Variants in C16orf78 observed in about 807,000 individuals in gnomAD.
C16orf78 encodes uncharacterized protein C16orf78.
C16orf78 carries 19 observed loss-of-function variants against 27.3 expected under a neutral mutation model. That is an observed-to-expected ratio of 0.70 (90% confidence interval 0.49 to 1.02). The LOEUF (loss-of-function observed/expected upper bound fraction) is 1.02. Ranked by LOEUF, C16orf78 falls within the 50% of genes least tolerant of loss-of-function variation. C16orf78 has a pLI of 0.00. For synonymous variants in C16orf78, 130 were observed against 116.1 expected, an observed-to-expected ratio of 1.12 and a Z score of -0.77; for missense variants, 339 against 337.0, an observed-to-expected ratio of 1.01 and a Z score of -0.05.
intron 3 of C16orf78, among the ~76,000 whole-genome samples, chr16:49,392,870 A>G (rs768292061): frequency 5.9e-5 from 9 of 152,148 alleles, no homozygotes; most frequent in Non-Finnish European, 8.8e-5. Flanking sequence ...CACAATTCCC[A>G]GGTATTGTGA....
chr16:49,376,537 G>C (rs1965220445), intron 1 of C16orf78, among the ~76,000 whole-genome samples: 1 of 152,120 alleles, frequency 6.6e-6, no homozygotes, highest in African/African-American at 2.4e-5. Flanking sequence ...GAGTTGCACT[G>C]TTTCTCCACT....
rs375303981 is a variant in C16orf78 at position 49,396,388 on chromosome 16, G to A, written c.395-35G>A. On this transcript the variant is annotated intron_variant, in intron 3 of 4. Coordinates refer to ENST00000299191, the MANE Select transcript of C16orf78 (RefSeq NM_144602.4). ...CTACCCCACCTCTCACGTCTCCCAC[G>A]GTCTAACTCTTTGATGGCATCTGTC... 78 of 1,608,536 alleles carry A rather than the reference G, an allele frequency of 4.8e-5. No individual in the cohort carries two copies. In the South Asian group the frequency reaches 5.5e-4, roughly 11 times the overall value.
At chr16:49,396,284 A>G (rs950362571) in intron 3 of C16orf78, 139 bp from the exon 4 acceptor site, 10 of 941,262 alleles carry the variant, frequency 1.1e-5, no homozygotes, top group Non-Finnish European at 1.3e-5. Flanking sequence ...AACCTGTGGA[A>G]GCCACGAAAA....
In C16orf78 at chr16:49,396,535, G is replaced by A. The variant is rs374900464; in HGVS notation, c.507G>A (p.Gln169=). Residue 169 remains glutamine, a synonymous_variant, in exon 4 of 5, where the codon CAG becomes CAA. Transcript: ENST00000299191. ...TACAGGAGGGTACCTTTAACAGCCA[G>A]AGGGCAACCTTCATAAGAGACTGGT... ...PMLQEGTFNS[Q]RATFIRDWSN... 11 of 1,614,160 alleles carry A rather than the reference G, an allele frequency of 6.8e-6. No homozygotes were observed. The East Asian group carries it at 2.0e-4, about 29-fold the overall frequency.
rs1280357862 is a variant in C16orf78, at chr16:49,373,838, C to T, written c.-102C>T. 4.9e-5 allele frequency: 71 copies of T among 1,442,448 alleles called. No homozygotes were observed. Among genetic ancestry groups the T allele is most frequent in the Non-Finnish European group, 6.6e-5 (69 of 1,049,254 alleles). 89.4% of individuals were successfully genotyped at this position (1,442,448 alleles called of 1,614,324 possible). On this transcript the variant is annotated 5_prime_UTR_variant, in exon 1 of 5. Coordinates refer to ENST00000299191, the MANE Select transcript of C16orf78 (RefSeq NM_144602.4). ...TTTATGTTCACATCTGGAGGCCACACCCTACCTTCTAAGTCACCAGGCCAT... is the reference window on the plus strand; with the variant it reads ...TTTATGTTCACATCTGGAGGCCACATCCTACCTTCTAAGTCACCAGGCCAT...
chr16:49,394,094 A>G (rs1473497647), intron 3 of C16orf78, among the ~76,000 whole-genome samples: 1 of 152,166 alleles, frequency 6.6e-6, no homozygotes, highest in Non-Finnish European at 1.5e-5. Flanking sequence ...CCACTAAAAA[A>G]TGGCACTAAG....
chr16:49,385,633 T>C (rs152648), intron 3 of C16orf78, among the ~76,000 whole-genome samples: 59,034 of 148,148 alleles, frequency 0.4, 13,955 homozygotes, highest in African/African-American at 0.67. Flanking sequence ...CCAGCCTGGG[T>C]GACAGAGTGA....
chr16:49,377,967 C>A, intron 2 of C16orf78, 117 bp downstream of exon 2: 1 of 1,352,906 alleles, frequency 7.4e-7, no homozygotes, highest in South Asian at 1.5e-5. Flanking sequence ...CTCCGAAATT[C>A]ACTCTGGCCC....
In C16orf78 at chr16:49,396,628, T is replaced by C; in HGVS notation, c.600T>C (p.Pro200=). 1 of 1,613,170 alleles carries C rather than the reference T, an allele frequency of 6.2e-7. No individual in the cohort carries two copies. The highest frequency in any genetic ancestry group is 8.5e-7 in the Non-Finnish European group (1 of 1,180,002). ...LKSLMEKSTE[P]KMETMRMLKP... ...GCCTCATGGAGAAAAGCACCGAACC[T>C]AAGATGGAAACCATGAGGATGTTGA... The change falls in exon 4 of 5, where the codon CCT becomes CCC. Residue 200 remains proline, a synonymous_variant. Transcript: ENST00000299191.
At chr16:49,396,093 T>A (rs536522273) in intron 3 of C16orf78, among the ~76,000 whole-genome samples, 26 of 151,974 alleles carry the variant, frequency 1.7e-4, no homozygotes, top group African/African-American at 6.3e-4. Context: ...AATATAAAAA[T>A]TTATCAGGAG....
At chr16:49,396,296 A>T (rs1965471244) in intron 3 of C16orf78, 127 bp from the exon 4 acceptor site, 256 of 984,994 alleles carry the variant, frequency 2.6e-4, no homozygotes, top group Non-Finnish European at 3.4e-4. Flanking sequence ...CCACGAAAAG[A>T]CCTCATATCT....
At chr16:49,397,635 C>T (rs936268921) in intron 4 of C16orf78, among the ~76,000 whole-genome samples, 2 of 152,146 alleles carry the variant, frequency 1.3e-5, no homozygotes, top group African/African-American at 2.4e-5. Flanking sequence ...ACAGCCTACC[C>T]GGGTTCCATG....
intron 3 of C16orf78, among the ~76,000 whole-genome samples, chr16:49,395,742 G>A (rs1052818268): frequency 3.3e-5 from 5 of 152,106 alleles, no homozygotes; most frequent in African/African-American, 1.2e-4. Context: ...CCAGCTCAAA[G>A]CTTTTCTCTT....
At chr16:49,379,697 G>A (rs1268859352) in intron 3 of C16orf78, among the ~76,000 whole-genome samples, 2 of 152,102 alleles carry the variant, frequency 1.3e-5, no homozygotes, top group Non-Finnish European at 2.9e-5. Context: ...TCTTAGTCGT[G>A]ACAAACATGC....
chr16:49,392,135 A>T (rs1965419960), intron 3 of C16orf78, among the ~76,000 whole-genome samples: 1 of 152,214 alleles, frequency 6.6e-6, no homozygotes, highest in Non-Finnish European at 1.5e-5. Flanking sequence ...AACTTTGTTG[A>T]TGAAATCTTA....
rs752442437 is a variant in C16orf78, at chr16:49,373,976, C to T, written c.37C>T (p.Pro13Ser). Reference sequence around the variant, plus strand: ...ACAAATGGACCTGAAGGATTTAATGCCCACAAAGAGGAAATACATGTGGAA... The same window carrying T: ...ACAAATGGACCTGAAGGATTTAATGTCCACAAAGAGGAAATACATGTGGAA... Reference protein sequence around the residue: ...EQQMDLKDLMPTKRKYMWKTA... With the variant: ...EQQMDLKDLMSTKRKYMWKTA... The change falls in exon 1 of 5, where the codon CCC (proline) becomes TCC (serine). Residue 13 changes from proline (P) to serine (S), a missense_variant. Transcript: ENST00000299191. 50 of 1,614,092 alleles carry T rather than the reference C, an allele frequency of 3.1e-5. 1 individual carries two copies. The South Asian group carries it at 5.3e-4, about 17-fold the overall frequency.
At position 49,399,128 on chromosome 16, in the gene C16orf78, C is replaced by T; in HGVS notation, c.651-3C>T. On this transcript the variant is annotated splice_polypyrimidine_tract_variant and splice_region_variant and intron_variant, in intron 4 of 4. Transcript: ENST00000299191. ...CTGACCTCTTTTGCCTTCTCTTGAACAGATACCTGAGGTTATCCAAGGAGA... is the reference window on the plus strand; with the variant it reads ...CTGACCTCTTTTGCCTTCTCTTGAATAGATACCTGAGGTTATCCAAGGAGA... 6.2e-7 allele frequency: 1 copy of T among 1,613,780 alleles called. No homozygotes were observed. Among genetic ancestry groups the T allele is most frequent in the Admixed American group, 1.7e-5 (1 of 60,010 alleles).
chr16:49,386,450 AT>A (rs535834596), intron 3 of C16orf78, among the ~76,000 whole-genome samples: 38 of 151,626 alleles, frequency 2.5e-4, no homozygotes, highest in Middle Eastern at 3.4e-3. Context: ...ACCACAAGTC[AT>A]TTTTTTTTAA....
At chr16:49,390,491 C>G (rs1376736610) in intron 3 of C16orf78, among the ~76,000 whole-genome samples, 1 of 152,150 alleles carries the variant, frequency 6.6e-6, no homozygotes, top group Non-Finnish European at 1.5e-5. Flanking sequence ...TCTCCAATAC[C>G]TAATCTTCTG....
Sources: gnomAD v4.1 joint callset for allele counts (sites outside exome capture counted in the v4.1 genomes callset) on GRCh38, gnomAD v4.1.1 for gene constraint, MANE v1.5 for transcripts, NCBI Gene and HGNC (gene_info 2026-07-23, HGNC 2026-07-21) for gene names.